ESPN: variants seen among roughly 807,000 people sequenced by gnomAD.
ESPN encodes espin.
A neutral mutation model predicts 77.7 loss-of-function variants in ESPN; 68 were observed. The ratio of observed to expected loss-of-function variants is 0.87; its 90% confidence interval spans 0.72 to 1.07. The LOEUF is 1.07. Among genes scored for constraint, ESPN ranks in the 50% least tolerant of loss-of-function variants. ESPN has a pLI of 0.00. For missense variants in ESPN, 1,060 were observed against 1,239.0 expected, an observed-to-expected ratio of 0.86 and a Z score of 2.17; for synonymous variants, 449 against 567.1, an observed-to-expected ratio of 0.79 and a Z score of 2.96.
chr1:6,461,264 C>T, downstream of ESPN: 1 of 861,300 alleles, frequency 1.2e-6, no homozygotes, highest in Non-Finnish European at 1.9e-6. The surrounding 1 kb of genome is among the most constrained non-coding windows in gnomAD (Gnocchi z 6.3). Context: ...CGTGCTTCTT[C>T]GCCTTGGCTG....
intron 10 of ESPN, among the ~76,000 whole-genome samples, 192 bp downstream of exon 10, chr1:6,452,288 T>C (rs1040630419): frequency 2.0e-5 from 3 of 151,880 alleles, no homozygotes; most frequent in African/African-American, 7.3e-5. Context: ...CACTGCAACC[T>C]TCGCCTCCCA....
At position 6,460,413 on chromosome 1, in the gene ESPN, A is replaced by C; in HGVS notation, c.*267A>C. On this transcript the variant is annotated 3_prime_UTR_variant, in exon 13 of 13. Transcript: ENST00000645284. ...TGCTTATTTGCATGCCGACTTACATATATTTGCATGTTCGTTGACTATCAA... is the reference window on the plus strand; with the variant it reads ...TGCTTATTTGCATGCCGACTTACATCTATTTGCATGTTCGTTGACTATCAA... 1 of 490,164 alleles carries C rather than the reference A, an allele frequency of 2.0e-6. No individual in the cohort carries two copies. The allele number at this position is 490,164 out of a possible 1,614,324, so 30.4% of individuals were successfully genotyped here.
In ESPN at chr1:6,428,531, G is replaced by C; in HGVS notation, c.488+112G>C. ...CTCCAGGGCAATGATCCCTCCAGTG[G>C]CCATCCTGGGGCCAGAGGGCCAGGC... On this transcript the variant is annotated intron_variant, in intron 2 of 12. Transcript: ENST00000645284. The surrounding 1 kb of genome is among the most constrained non-coding windows in gnomAD (Gnocchi z 5.4). 1.1e-6 allele frequency: 1 copy of C among 950,982 alleles called. No homozygotes were observed. The highest frequency in any genetic ancestry group is 2.6e-5 in the East Asian group (1 of 38,106). 58.9% of individuals were successfully genotyped at this position (950,982 alleles called of 1,614,324 possible). A position where few individuals can be genotyped will look rare whatever the true frequency, so the allele number is the denominator to read the frequency against.
rs1644135724 is a variant in ESPN at position 6,460,278 on chromosome 1, C to G, written c.*132C>G. On this transcript the variant is annotated 3_prime_UTR_variant, in exon 13 of 13. Coordinates refer to ENST00000645284, the MANE Select transcript of ESPN (RefSeq NM_031475.3). ...TCCTGCGCTGGAAACCCTCCCTGAC[C>G]CCCACCCTGGCCCCCCGTATCCCCA... 1.4e-5 allele frequency: 17 copies of G among 1,189,562 alleles called. No individual in the cohort carries two copies. In the East Asian group the frequency reaches 4.4e-4, roughly 31 times the overall value. 73.7% of individuals were successfully genotyped at this position (1,189,562 alleles called of 1,614,324 possible).
chr1:6,448,845 G>A lies in ESPN; in HGVS notation c.1669G>A (p.Gly557Ser). Reference protein sequence around the residue: ...QPARAGCPRLGPAARGSLEGP... With the variant: ...QPARAGCPRLSPAARGSLEGP... ...CGCGCGCGCCGGCTGCCCGCGCCTCGGCCCTGCCGCCCGCGGCTCACTCGA... is the reference window on the plus strand; with the variant it reads ...CGCGCGCGCCGGCTGCCCGCGCCTCAGCCCTGCCGCCCGCGGCTCACTCGA... Residue 557 changes from glycine (G) to serine (S), a missense_variant, in exon 8 of 13, where the codon GGC (glycine) becomes AGC (serine). Gly to Ser is a moderately conservative substitution (Grantham distance 56). Coordinates refer to ENST00000645284, the MANE Select transcript of ESPN (RefSeq NM_031475.3). 3 of 1,242,464 alleles carry A rather than the reference G, an allele frequency of 2.4e-6. 1 individual carries two copies. Among genetic ancestry groups the A allele is most frequent in the South Asian group, 6.8e-5 (2 of 29,508 alleles). 77.0% of individuals were successfully genotyped at this position (1,242,464 alleles called of 1,614,324 possible).
At position 6,437,562 on chromosome 1, in the gene ESPN, G is replaced by A. The variant is rs1193042349; in HGVS notation, c.489-2692G>A. On this transcript the variant is annotated intron_variant, in intron 2 of 12. Transcript: ENST00000645284. The surrounding 1 kb of genome is among the most constrained non-coding windows in gnomAD (Gnocchi z 4.5). The stretch of plus-strand genomic sequence containing the variant: ...GGGGTGTGGAGGCTGGCAGCCACGA[G>A]CCAGCATGTTTCTGAAGATAGATAC... 1 of 152,248 alleles carries A rather than the reference G, an allele frequency of 6.6e-6. No homozygotes were observed. The highest frequency in any genetic ancestry group is 1.5e-5 in the Non-Finnish European group (1 of 68,060). The allele number at this position is 152,248 out of a possible 1,614,324, so 9.4% of individuals were successfully genotyped here.
intron 2 of ESPN, among the ~76,000 whole-genome samples, chr1:6,438,040 T>G (rs1214606858): frequency 6.6e-6 from 1 of 151,540 alleles, no homozygotes; most frequent in African/African-American, 2.4e-5. Flanking sequence ...GTGGAGCATG[T>G]GGTTGATCTA....
chr1:6,440,886 G>A, intron 4 of ESPN, 48 bp from the exon 5 acceptor site: 3 of 1,538,574 alleles, frequency 1.9e-6, no homozygotes, highest in South Asian at 1.2e-5. Flanking sequence ...CGGGCGCGGG[G>A]GTCCCAGCTC....
rs1263342259 is a variant in ESPN at position 6,455,351 on chromosome 1, C to T, written c.2326-1833C>T. 3 of 385,260 alleles carry T rather than the reference C, an allele frequency of 7.8e-6. No homozygotes were observed. The East Asian group carries it at 1.1e-4, about 14-fold the overall frequency. 23.9% of individuals were successfully genotyped at this position (385,260 alleles called of 1,614,324 possible). On this transcript the variant is annotated intron_variant, in intron 10 of 12. Coordinates refer to ENST00000645284, the MANE Select transcript of ESPN (RefSeq NM_031475.3). Reference sequence around the variant, plus strand: ...GACCAGGCCGCCGCGCCCAGGCGCGCCTACGCGGACTGCTGCCCCGCGTGG... The same window carrying T: ...GACCAGGCCGCCGCGCCCAGGCGCGTCTACGCGGACTGCTGCCCCGCGTGG...
At chr1:6,454,940 G>C (rs1644022600) in intron 10 of ESPN, 2 of 384,602 alleles carry the variant, frequency 5.2e-6, no homozygotes, top group Non-Finnish European at 9.2e-6. Flanking sequence ...AGATCCTCGA[G>C]TGCGGCGTCT....
intron 6 of ESPN, 43 bp from the exon 7 acceptor site, chr1:6,445,621 G>A: frequency 1.2e-6 from 2 of 1,601,342 alleles, no homozygotes; most frequent in African/African-American, 2.7e-5. Context: ...GGGACAGCCT[G>A]TCTGCATGCT....
downstream of ESPN, chr1:6,461,295 G>T: frequency 9.1e-7 from 1 of 1,095,136 alleles, no homozygotes; most frequent in Non-Finnish European, 1.4e-6. This position sits in a 1 kb window ranked among gnomAD's most constrained non-coding sequence, Gnocchi z 6.3. Context: ...GGCGAGCAGG[G>T]GTGGGGCCGG....
chr1:6,434,323 G>A (rs539652011), intron 2 of ESPN, among the ~76,000 whole-genome samples: 11 of 152,286 alleles, frequency 7.2e-5, no homozygotes, highest in South Asian at 6.2e-4. Context: ...CTGCATGCCC[G>A]AATTTCCAGC....
Position 6,427,307 on chromosome 1 carries a change from A to G in ESPN, c.295-919A>G, listed in dbSNP as rs1285428636. Among the ~76,000 whole-genome samples the G allele has an allele frequency of 6.6e-6, 1 of 152,058 alleles. No homozygotes were observed. The highest frequency in any genetic ancestry group is 1.9e-4 in the East Asian group (1 of 5,164). ...TTCCCGAACCAGTACCCACTCTGCC[A>G]AGTGCGGCAGCCTCTGTGTCTAGAT... is the stretch of plus-strand genomic sequence containing the variant. On this transcript the variant is annotated intron_variant, in intron 1 of 12. Coordinates refer to ENST00000645284, the MANE Select transcript of ESPN (RefSeq NM_031475.3). The surrounding 1 kb of genome is among the most constrained non-coding windows in gnomAD (Gnocchi z 4.6).
chr1:6,431,480 G>A (rs1232250484), intron 2 of ESPN, among the ~76,000 whole-genome samples: 2 of 151,886 alleles, frequency 1.3e-5, no homozygotes, highest in Non-Finnish European at 2.9e-5. Flanking sequence ...ATGTGGCCGG[G>A]CTATGCCTGT....
rs550260622 is a variant in ESPN at position 6,456,851 on chromosome 1, T to C, written c.2326-333T>C. Among the ~76,000 whole-genome samples, 3 of 152,312 alleles carry C rather than the reference T, an allele frequency of 2.0e-5. No homozygotes were observed. In the East Asian group the frequency reaches 5.8e-4, roughly 29 times the overall value. ...GGGTGGGGGCTGGCTGGCATCTGCG[T>C]CTGCCCAGAGGTCTTGGGCCTGTGG... On this transcript the variant is annotated intron_variant, in intron 10 of 12. Transcript: ENST00000645284.
intron 2 of ESPN, among the ~76,000 whole-genome samples, chr1:6,435,318 C>T (rs1643396029): frequency 6.6e-6 from 1 of 150,906 alleles, no homozygotes; most frequent in Non-Finnish European, 1.5e-5. Context: ...AATCATTCTT[C>T]AGCCCGGGTC....
intron 2 of ESPN, among the ~76,000 whole-genome samples, chr1:6,431,962 T>C (rs1033956394): frequency 2.6e-5 from 4 of 152,244 alleles, no homozygotes; most frequent in African/African-American, 9.6e-5. Flanking sequence ...ATTCACCAGC[T>C]GTGGTCACCA....
chr1:6,433,162 T>C (rs1175677015), intron 2 of ESPN, among the ~76,000 whole-genome samples: 1 of 146,206 alleles, frequency 6.8e-6, no homozygotes, highest in Non-Finnish European at 1.5e-5. Flanking sequence ...GTGCAAGTCC[T>C]GGTCTGGTGC....
Sources: gnomAD v4.1 joint callset for allele counts (sites outside exome capture counted in the v4.1 genomes callset) on GRCh38, gnomAD v4.1.1 for gene constraint, Gnocchi (gnomAD v3.1) non-coding constraint, MANE v1.5 for transcripts, NCBI Gene and HGNC (gene_info 2026-07-23, HGNC 2026-07-21) for gene names.